The following WASHC1 variants were observed in gnomAD, a reference collection of about 807,000 sequenced individuals.
WASHC1 encodes WASH complex subunit 1, also known as CXYorf1-like protein on chromosome 9.
WASHC1 carries 11 observed loss-of-function variants against 26.1 expected under a neutral mutation model. The ratio of observed to expected loss-of-function variants is 0.42; its 90% CI spans 0.27 to 0.70. The LOEUF (loss-of-function observed/expected upper bound fraction) is 0.70. Among genes scored for constraint, WASHC1 ranks in the 30% least tolerant of loss-of-function variants. The pLI, the probability that WASHC1 is intolerant of heterozygous loss-of-function variation, is 0.24. For synonymous variants in WASHC1, 37 were observed against 126.6 expected (o/e 0.29, Z 4.75); for missense variants, 96 against 304.9 (o/e 0.31, Z 5.10).
rs1323421841 is a variant in WASHC1 at position 17,103 on chromosome 9, AGGAT to A, written c.741_744del (p.Ser248ThrfsTer40). 1.6e-6 allele frequency: 2 copies of A among 1,266,654 alleles called. 1 individual carries two copies. Among genetic ancestry groups the A allele is most frequent in the Non-Finnish European group, 2.1e-6 (2 of 963,490 alleles). 78.5% of individuals were successfully genotyped at this position (1,266,654 alleles called of 1,614,324 possible). A position where few individuals can be genotyped will look rare whatever the true frequency, so the allele number is the denominator to read the frequency against. On this transcript the variant is annotated frameshift_variant, in exon 7 of 11. Transcript: ENST00000442898. LOFTEE classifies it high-confidence loss of function. The stretch of plus-strand genomic sequence containing the variant: ...GCAATGCCGGGCAGGTCAGGCAGGT[AGGAT>A]GGAACATGGATCTCAGGCACCTGGC...
At chr9:28,745 T>C (rs1366302649) in intron 1 of WASHC1, 41 of 135,636 alleles carry the variant, frequency 3.0e-4, no homozygotes, top group African/African-American at 1.2e-3. Context: ...TCAAATTCTT[T>C]TTAAGTGACA....
chr9:17,008 T>C, exon 7 of WASHC1: 2 of 1,423,418 alleles, frequency 1.4e-6, no homozygotes, highest in Non-Finnish European at 9.3e-7. Flanking sequence ...AGGTGGGCAG[T>C]TCTGGAATGG....
intron 1 of WASHC1, 130 bp from the exon 1 acceptor site, chr9:29,586 G>A (rs1817606666): frequency 2.8e-5 from 4 of 144,486 alleles, no homozygotes; most frequent in African/African-American, 1.1e-4. Flanking sequence ...CCGCTTTCCT[G>A]CGTCTCTCAG....
At chr9:28,736 CA>C (rs1817529239) in intron 1 of WASHC1, 1 of 123,762 alleles carries the variant, frequency 8.1e-6, no homozygotes, top group South Asian at 2.6e-4. Context: ...GAAGTTTTTT[CA>C]AATTCTTTTT....
At chr9:25,139 T>A in intron 1 of WASHC1, 135 bp from the exon 2 acceptor site, 1 of 277,782 alleles carries the variant, frequency 3.6e-6, no homozygotes, top group Non-Finnish European at 5.9e-6. Flanking sequence ...GATAGGGGAG[T>A]AGGGGACAGA....
exon 11 of WASHC1, chr9:14,535 T>G (rs1187511746): frequency 3.4e-6 from 2 of 592,972 alleles, no homozygotes; most frequent in Non-Finnish European, 6.1e-6. Context: ...CAGTTCTTTA[T>G]TGATTGGTGT....
exon 11 of WASHC1, chr9:14,889 A>G (rs71509924): frequency 0.24 from 247,508 of 1,045,648 alleles, 51,667 homozygotes; most frequent in African/African-American, 0.66. Flanking sequence ...TGACACGCGG[A>G]CAAAGGCTCC....
rs1425613560 is a variant in WASHC1, at chr9:17,149, G to A, written c.699C>T (p.Phe233=). 6 of 1,283,012 alleles carry A rather than the reference G, an allele frequency of 4.7e-6. No individual in the cohort carries two copies. In the Admixed American group the frequency reaches 1.2e-4, roughly 27 times the overall value. The allele number at this position is 1,283,012 out of a possible 1,614,324, so 79.5% of individuals were successfully genotyped here. The change falls in exon 7 of 11, where the codon TTC becomes TTT. Residue 233 remains phenylalanine (F), a synonymous_variant. Coordinates refer to ENST00000442898, the Ensembl canonical transcript of WASHC1. ...GCACCTGGCCCAGGTCTGGCACATA[G>A]AAGTAGTTCTCTGGGACCTGCAAGA...
At chr9:15,795 G>C in intron 9 of WASHC1, 114 bp downstream of exon 9, 2 of 1,058,528 alleles carry the variant, frequency 1.9e-6, no homozygotes, top group South Asian at 1.5e-5. Flanking sequence ...GGGAAGCAGG[G>C]GCCAGCTGGC....
At chr9:28,654 CTCT>C (rs1817510359) in intron 1 of WASHC1, 4 of 123,772 alleles carry the variant, frequency 3.2e-5, no homozygotes, top group Non-Finnish European at 4.9e-5. Flanking sequence ...ATTTTGTTAA[CTCT>C]TCAATGCATT....
chr9:15,863 G>A lies in WASHC1; in HGVS notation c.1195+46C>T, dbSNP rs534683650. On this transcript the variant is annotated intron_variant, in intron 9 of 10. Coordinates refer to ENST00000442898, the Ensembl canonical transcript of WASHC1. ...GACTCAGGGCTGGAGGGGAGGAGGC[G>A]ATCTTGCCCAAGGCCCTCCAACCGC... 239 of 1,395,698 alleles carry A rather than the reference G, an allele frequency of 1.7e-4. 25 individuals carry two copies. Among genetic ancestry groups the A allele is most frequent in the South Asian group, 1.1e-3 (88 of 79,932 alleles). The allele number at this position is 1,395,698 out of a possible 1,614,324, so 86.5% of individuals were successfully genotyped here.
chr9:22,047 A>G (rs1212483876), intron 2 of WASHC1, among the ~76,000 whole-genome samples: 12 of 145,964 alleles, frequency 8.2e-5, no homozygotes, highest in East Asian at 2.1e-4. Context: ...AGTCTGCCCT[A>G]TGTGGAGTAA....
chr9:17,617 GCTCCT>G (rs2130382810), intron 5 of WASHC1, 97 bp downstream of exon 5: 1 of 556,668 alleles, frequency 1.8e-6, no homozygotes, highest in East Asian at 3.9e-5. Context: ...TCACCCCCTG[GCTCCT>G]GGCCTATGTG....
At position 14,972 on chromosome 9, in the gene WASHC1, G is replaced by T. The variant is rs760912410; in HGVS notation, c.1265-32C>A. The T allele has an allele frequency of 7.6e-5, 94 of 1,236,722 alleles. 1 individual carries two copies. Among genetic ancestry groups the T allele is most frequent in the Middle Eastern group, 2.8e-4 (1 of 3,578 alleles). 76.6% of individuals were successfully genotyped at this position (1,236,722 alleles called of 1,614,324 possible). A position where few individuals can be genotyped will look rare whatever the true frequency, so the allele number is the denominator to read the frequency against. ...GGAAAAGGCTGAGTGAGGGTGGTTG[G>T]TGGGAAACCCTGGTTCCCCCAGCCC... On this transcript the variant is annotated intron_variant, in intron 10 of 10. Transcript: ENST00000442898.
At chr9:21,890 CCT>C (rs1310266609) in intron 2 of WASHC1, among the ~76,000 whole-genome samples, 1 of 149,670 alleles carries the variant, frequency 6.7e-6, no homozygotes, top group African/African-American at 2.5e-5. Flanking sequence ...CCCTCCCACC[CCT>C]GTGCAGGCCG....
chr9:17,083 G>C, exon 7 of WASHC1: 2 of 1,455,146 alleles, frequency 1.4e-6, no homozygotes, highest in East Asian at 6.6e-5. Flanking sequence ...CGTTGGCAAT[G>C]CCGGGCAGGT....
At chr9:14,876 G>C (rs764095371) in exon 11 of WASHC1, 2 of 1,387,734 alleles carry the variant, frequency 1.4e-6, no homozygotes, top group Admixed American at 3.8e-5. Flanking sequence ...GAGGGATGGA[G>C]TCTGACACGC....
intron 2 of WASHC1, among the ~76,000 whole-genome samples, chr9:21,492 G>A (rs1412302192): frequency 1.5e-4 from 22 of 142,254 alleles, no homozygotes; most frequent in African/African-American, 5.7e-4. Context: ...CAGCTTCTGG[G>A]TGTCCCTGGC....
chr9:29,036 C>G (rs1338326368), intron 1 of WASHC1: 1 of 88,820 alleles, frequency 1.1e-5, no homozygotes, highest in Non-Finnish European at 2.2e-5. Flanking sequence ...CGGGCAGCAG[C>G]TGCGGAAGAG....
Sources: allele counts gnomAD v4.1 joint callset (sites outside exome capture counted in the v4.1 genomes callset), GRCh38; gene constraint gnomAD v4.1.1; transcripts MANE v1.5; gene names NCBI Gene and HGNC (gene_info 2026-07-23, HGNC 2026-07-21).